FRMD4A: variants seen among roughly 807,000 people sequenced by gnomAD.
The protein encoded by FRMD4A is FERM domain-containing protein 4A.
In FRMD4A, 29 loss-of-function variants were observed where a neutral mutation model predicts 129.1. The ratio of observed to expected loss-of-function variants is 0.22; its 90% CI spans 0.17 to 0.31. FRMD4A has a LOEUF of 0.31. FRMD4A is among the 10% of genes least tolerant of loss of function. The probability of loss-of-function intolerance (pLI) is 1.00; values close to 1 mark genes in which losing one functional copy is unlikely to be tolerated. For missense variants in FRMD4A, 1,272 were observed against 1,375.8 expected (o/e 0.92, Z 1.19); for synonymous variants, 634 against 571.6 (o/e 1.11, Z -1.56).
chr10:14,237,335 T>TTTG (rs3034165), intron 2 of FRMD4A, among the ~76,000 whole-genome samples: 27,847 of 151,828 alleles, frequency 0.18, 2,839 homozygotes, highest in African/African-American at 0.27. Context: ...TTTCTCTTTT[T>TTTG]TTGTTGTTGT....
chr10:14,235,384 G>A (rs1843775829), intron 2 of FRMD4A, among the ~76,000 whole-genome samples: 3 of 151,666 alleles, frequency 2.0e-5, no homozygotes, highest in Non-Finnish European at 4.4e-5. Flanking sequence ...TCCTGACCTC[G>A]CGATCCACCC....
rs568165765 is a variant in FRMD4A, at chr10:14,260,933, C to T, written c.45+69125G>A. On this transcript the variant is annotated intron_variant, in intron 2 of 24. Transcript: ENST00000357447. Reference sequence around the variant, plus strand: ...AGGCTTGGCCACTAACTCCATTGGGCACATTGTCCACCTCCATGGGTCTTA... The same window carrying T: ...AGGCTTGGCCACTAACTCCATTGGGTACATTGTCCACCTCCATGGGTCTTA... 3.3e-4 allele frequency among the ~76,000 whole-genome samples: 51 copies of T among 152,310 alleles called. No homozygotes were observed. The South Asian group carries it at 0.01, about 30-fold the overall frequency.
At chr10:13,925,188 A>T (rs527605091) in intron 2 of FRMD4A, among the ~76,000 whole-genome samples, 1 of 152,050 alleles carries the variant, frequency 6.6e-6, no homozygotes, top group East Asian at 1.9e-4. Context: ...CAAGGAAGAG[A>T]TATCACAGGG....
intron 2 of FRMD4A, among the ~76,000 whole-genome samples, chr10:14,027,113 C>T (rs930278927): frequency 2.0e-5 from 3 of 152,174 alleles, no homozygotes; most frequent in Non-Finnish European, 4.4e-5. Flanking sequence ...TCCTCTTAGC[C>T]CCTTTCCTTA....
chr10:13,651,374 A>G (rs1004781609), intron 24 of FRMD4A: 4 of 153,150 alleles, frequency 2.6e-5, no homozygotes, highest in Non-Finnish European at 4.4e-5. Context: ...TTTCAGGGAC[A>G]CTGATTACTC....
chr10:13,790,291 A>G (rs2092968640), intron 5 of FRMD4A, among the ~76,000 whole-genome samples: 1 of 152,228 alleles, frequency 6.6e-6, no homozygotes, highest in Non-Finnish European at 1.5e-5. Context: ...CGACGACATC[A>G]TTAGATTCCA....
At chr10:14,236,564 C>T (rs1408163861) in intron 2 of FRMD4A, among the ~76,000 whole-genome samples, 5 of 152,164 alleles carry the variant, frequency 3.3e-5, no homozygotes, top group South Asian at 4.2e-4. Context: ...TGCCAGGGTG[C>T]GCTGCCTCTG....
At chr10:13,835,603 T>G (rs1459862600) in intron 3 of FRMD4A, among the ~76,000 whole-genome samples, 2 of 152,172 alleles carry the variant, frequency 1.3e-5, no homozygotes, top group Non-Finnish European at 1.5e-5. Flanking sequence ...TATTGTGAAC[T>G]GTGCATGCGA....
chr10:13,959,138 C>T (rs901429314), intron 2 of FRMD4A, among the ~76,000 whole-genome samples: 15 of 152,122 alleles, frequency 9.9e-5, no homozygotes, highest in African/African-American at 3.6e-4. Context: ...GTCCCCTCTC[C>T]CTGCAACAAT....
At chr10:13,918,789 A>G (rs1673518329) in intron 2 of FRMD4A, among the ~76,000 whole-genome samples, 1 of 152,104 alleles carries the variant, frequency 6.6e-6, no homozygotes, top group Non-Finnish European at 1.5e-5. Flanking sequence ...CGGCCTCCCA[A>G]AATGCTGGGA....
chr10:13,691,002 G>T (rs2085635949), intron 15 of FRMD4A, among the ~76,000 whole-genome samples: 1 of 152,110 alleles, frequency 6.6e-6, no homozygotes, highest in Admixed American at 6.5e-5. Context: ...GTGTGTGTGT[G>T]AGAGAGACAC....
chr10:13,809,056 T>C (rs1372421380), intron 4 of FRMD4A, among the ~76,000 whole-genome samples: 1 of 152,074 alleles, frequency 6.6e-6, no homozygotes, highest in Admixed American at 6.6e-5. Context: ...AGACATGGAG[T>C]GTACCAGCTT....
At chr10:14,307,157 T>G (rs1846381882) in intron 2 of FRMD4A, among the ~76,000 whole-genome samples, 1 of 152,226 alleles carries the variant, frequency 6.6e-6, no homozygotes, top group South Asian at 2.1e-4. Flanking sequence ...ATACTTTTCT[T>G]TGAGAAAACA....
At chr10:13,748,561 T>C (rs1032855455) in intron 8 of FRMD4A, among the ~76,000 whole-genome samples, 11 of 152,080 alleles carry the variant, frequency 7.2e-5, no homozygotes, top group Non-Finnish European at 1.5e-5. Context: ...GCATGTTGGA[T>C]TTCGGATTTT....
At chr10:13,842,409 T>C (rs572398191) in intron 3 of FRMD4A, among the ~76,000 whole-genome samples, 1 of 152,350 alleles carries the variant, frequency 6.6e-6, no homozygotes, top group East Asian at 1.9e-4. Context: ...CTTCTGATGG[T>C]CCCAGCCCCC....
chr10:13,858,533 T>A (rs2131036880), intron 3 of FRMD4A, among the ~76,000 whole-genome samples: 1 of 152,200 alleles, frequency 6.6e-6, no homozygotes, highest in Non-Finnish European at 1.5e-5. Flanking sequence ...ACAGCAAGAG[T>A]TACTTAGGTT....
intron 19 of FRMD4A, among the ~76,000 whole-genome samples, chr10:13,662,542 A>G (rs917872781): frequency 3.9e-5 from 6 of 152,016 alleles, no homozygotes; most frequent in African/African-American, 1.4e-4. Context: ...GTATTCTCAC[A>G]TGGTTCTGGG....
intron 2 of FRMD4A, among the ~76,000 whole-genome samples, chr10:13,924,755 T>A (rs138879495): frequency 6.6e-6 from 1 of 152,278 alleles, no homozygotes; most frequent in Non-Finnish European, 1.5e-5. Context: ...TTATCCCTGA[T>A]GTTTAGAAGA....
At chr10:14,220,807 TGTGTTTGTG>T (rs766144825) in intron 2 of FRMD4A, among the ~76,000 whole-genome samples, 33 of 104,538 alleles carry the variant, frequency 3.2e-4, no homozygotes, top group Non-Finnish European at 4.6e-4. Context: ...TGTGTGTGTG[TGTGTTTGTG>T]TGTGTGTGTG....
Sources: allele counts gnomAD v4.1 joint callset (sites outside exome capture counted in the v4.1 genomes callset), GRCh38; gene constraint gnomAD v4.1.1; transcripts MANE v1.5; gene names NCBI Gene and HGNC (gene_info 2026-07-23, HGNC 2026-07-21).